TTLL7: variants seen among roughly 807,000 people sequenced by gnomAD.
TTLL7 encodes the protein tubulin polyglutamylase TTLL7.
In TTLL7, 53 loss-of-function variants were observed where a neutral mutation model predicts 120.2. That is an observed-to-expected ratio of 0.44 (90% confidence interval 0.35 to 0.55). TTLL7 has a LOEUF of 0.55. TTLL7 is among the 20% of genes least tolerant of loss of function. The probability of loss-of-function intolerance (pLI) is 0.00; values close to 1 mark genes in which losing one functional copy is unlikely to be tolerated. For synonymous variants in TTLL7, 353 were observed against 351.7 expected (o/e 1.00, Z -0.04); for missense variants, 803 against 1,054.7 (o/e 0.76, Z 3.31).
intron 1 of TTLL7, among the ~76,000 whole-genome samples, chr1:83,976,354 A>G (rs1651487051): frequency 6.6e-6 from 1 of 151,970 alleles, no homozygotes; most frequent in Non-Finnish European, 1.5e-5. Context: ...CCAATCTTAA[A>G]AACTCATTAT....
At chr1:83,966,160 G>A (rs140955276) in intron 1 of TTLL7, among the ~76,000 whole-genome samples, 1,559 of 152,124 alleles carry the variant, frequency 0.01, 30 homozygotes, top group African/African-American at 0.036. Flanking sequence ...ATGTGGGTAC[G>A]CCTCATTCAA....
intron 1 of TTLL7, among the ~76,000 whole-genome samples, chr1:83,963,093 T>C (rs1006030289): frequency 2.6e-5 from 4 of 152,156 alleles, no homozygotes; most frequent in African/African-American, 9.7e-5. Flanking sequence ...ATAATCTGAA[T>C]TTCCTCCAGT....
At chr1:83,961,872 C>A (rs1650047551) in intron 1 of TTLL7, among the ~76,000 whole-genome samples, 1 of 152,120 alleles carries the variant, frequency 6.6e-6, no homozygotes, top group Non-Finnish European at 1.5e-5. Context: ...TTACCTCTCC[C>A]ATTTCCTGAC....
chr1:83,889,289 C>G (rs377262368), intron 19 of TTLL7, among the ~76,000 whole-genome samples: 1 of 152,052 alleles, frequency 6.6e-6, no homozygotes, highest in Non-Finnish European at 1.5e-5. Context: ...TAACCATCCC[C>G]ATGATTCAAT....
At chr1:83,980,206 T>C (rs1448285413) in intron 1 of TTLL7, 2 of 152,052 alleles carry the variant, frequency 1.3e-5, no homozygotes, top group African/African-American at 4.8e-5. Context: ...AAAAAAAAAT[T>C]ACACTTCCCT....
At chr1:83,949,783 T>C (rs1648867049) in intron 4 of TTLL7, 82 bp downstream of exon 4, 1 of 1,488,804 alleles carries the variant, frequency 6.7e-7, no homozygotes, top group Non-Finnish European at 9.2e-7. Context: ...TAAGGCAACA[T>C]ATTAAGAACC....
At chr1:83,938,504 A>G (rs1647628305) in intron 7 of TTLL7, among the ~76,000 whole-genome samples, 1 of 152,200 alleles carries the variant, frequency 6.6e-6, no homozygotes, top group Admixed American at 6.5e-5. Context: ...CAGGACTACC[A>G]AACACAACCT....
In TTLL7 at chr1:83,885,014, G is replaced by C. The variant is rs141922770; in HGVS notation, c.2370-1878C>G. ...TTATTGCTAAATGGAAGAAAAACTA[G>C]ATATGACACATACGTGTTTATCAAG... On this transcript the variant is annotated intron_variant, in intron 19 of 20. Transcript: ENST00000260505. 449 of 227,688 alleles carry C rather than the reference G, an allele frequency of 2.0e-3. 3 individuals carry two copies. The highest frequency in any genetic ancestry group is 9.9e-3 in the African/African-American group (424 of 42,898). 14.1% of individuals were successfully genotyped at this position (227,688 alleles called of 1,614,324 possible).
intron 18 of TTLL7, among the ~76,000 whole-genome samples, chr1:83,892,405 C>T (rs56029919): frequency 0.04 from 1,435 of 36,212 alleles, 224 homozygotes; most frequent in Middle Eastern, 0.08. Flanking sequence ...TATATATGAA[C>T]ATATATATGA....
chr1:83,999,129 GA>G lies in TTLL7; in HGVS notation c.-376del, dbSNP rs1390731945. 1 of 427,552 alleles carries G rather than the reference GA, an allele frequency of 2.3e-6. No individual in the cohort carries two copies. Among genetic ancestry groups the G allele is most frequent in the Admixed American group, 2.5e-5 (1 of 39,832 alleles). The allele number at this position is 427,552 out of a possible 1,614,324, so 26.5% of individuals were successfully genotyped here. ...TCCGGTGCTCGACGCGGAGTGCCTG[GA>G]ACAGCTGTCGCTGCCCAAGCGGGTG... On this transcript the variant is annotated 5_prime_UTR_variant, in exon 1 of 21. Transcript: ENST00000260505.
At chr1:83,944,790 C>T (rs943721983) in intron 6 of TTLL7, among the ~76,000 whole-genome samples, 6 of 152,156 alleles carry the variant, frequency 3.9e-5, no homozygotes, top group African/African-American at 1.4e-4. Flanking sequence ...TAAAAGACAA[C>T]TGCATAAAAC....
chr1:83,934,776 T>A (rs1647245735), intron 8 of TTLL7, among the ~76,000 whole-genome samples: 1 of 152,168 alleles, frequency 6.6e-6, no homozygotes, highest in South Asian at 2.1e-4. Flanking sequence ...CTTCCTGGCT[T>A]TGTAACTTGT....
intron 7 of TTLL7, among the ~76,000 whole-genome samples, chr1:83,940,252 C>A (rs999210150): frequency 3.4e-4 from 52 of 152,102 alleles, no homozygotes; most frequent in Non-Finnish European, 7.4e-4. Flanking sequence ...TCCAAAAGAG[C>A]TTCCAAGTCT....
At chr1:83,952,151 C>T in intron 2 of TTLL7, 36 bp downstream of exon 2, 1 of 1,594,638 alleles carries the variant, frequency 6.3e-7, no homozygotes, top group South Asian at 1.1e-5. Context: ...TATAACACCT[C>T]CATATTTTGT....
At chr1:83,962,384 C>T (rs2100543094) in intron 1 of TTLL7, among the ~76,000 whole-genome samples, 1 of 152,180 alleles carries the variant, frequency 6.6e-6, no homozygotes, top group Admixed American at 6.6e-5. Flanking sequence ...ACCTTATTGC[C>T]CTTCTTGCCA....
rs1388590788 is a variant in TTLL7, at chr1:83,906,338, C to A, written c.2118G>T (p.Leu706=). ...PGKSDAESEL[L]IEDIIDNWKY... ...TACATCACATACTCACATCTTCTAT[C>A]AGAAGTTCTGATTCTGCATCTGACT... is the stretch of plus-strand genomic sequence containing the variant. Residue 706 remains leucine, a synonymous_variant, in exon 17 of 21, where the codon CTG becomes CTT. Transcript: ENST00000260505. The A allele has an allele frequency of 1.9e-6, 3 of 1,611,942 alleles. No individual in the cohort carries two copies. The highest frequency in any genetic ancestry group is 2.5e-6 in the Non-Finnish European group (3 of 1,178,694).
intron 6 of TTLL7, among the ~76,000 whole-genome samples, chr1:83,944,210 G>A (rs1313895991): frequency 6.6e-6 from 1 of 151,910 alleles, no homozygotes; most frequent in Non-Finnish European, 1.5e-5. Context: ...CAGAAGGAGA[G>A]AAGACAAAGA....
At chr1:83,897,181 C>T (rs1366879582) in intron 18 of TTLL7, among the ~76,000 whole-genome samples, 1 of 151,950 alleles carries the variant, frequency 6.6e-6, no homozygotes, top group East Asian at 1.9e-4. Flanking sequence ...TGGAGCTTTA[C>T]AACAGGCTAA....
At position 83,870,095 on chromosome 1, in the gene TTLL7, G is replaced by A. The variant is rs1653208230; in HGVS notation, c.2544-13C>T. On this transcript the variant is annotated splice_polypyrimidine_tract_variant and intron_variant, in intron 20 of 20. Coordinates refer to ENST00000260505, the MANE Select transcript of TTLL7 (RefSeq NM_024686.6). ...TGGTAGTAAATACCTAAAAATGATG[G>A]TTAACAAATTAGATTTTTACAAGCA... The A allele has an allele frequency of 1.3e-6, 2 of 1,534,038 alleles. No individual in the cohort carries two copies. The highest frequency in any genetic ancestry group is 2.4e-5 in the Admixed American group (1 of 40,910).
Sources: gnomAD v4.1 joint callset for allele counts (sites outside exome capture counted in the v4.1 genomes callset) on GRCh38, gnomAD v4.1.1 for gene constraint, MANE v1.5 for transcripts, NCBI Gene and HGNC (gene_info 2026-07-23, HGNC 2026-07-21) for gene names.